Variants in GJA8 observed in about 807,000 individuals in gnomAD.
GJA8 encodes gap junction protein alpha 8, also known as gap junction alpha-8 protein.
In GJA8, 13 loss-of-function variants were observed where a neutral mutation model predicts 15.3. The observed-to-expected ratio is 0.85, with a 90% CI of 0.55 to 1.35. The LOEUF (loss-of-function observed/expected upper bound fraction) is 1.35. Ranked by LOEUF, GJA8 falls within the 40% of genes most tolerant of loss-of-function variation. GJA8 has a pLI of 0.00. For missense variants in GJA8, 607 were observed against 553.3 expected (o/e 1.10, Z -0.97); for synonymous variants, 304 against 238.7 (o/e 1.27, Z -2.52).
At chr1:147,909,844 T>C (rs146002461), downstream of GJA8, among the ~76,000 whole-genome samples, 2 of 152,306 alleles carry the variant, frequency 1.3e-5, no homozygotes, top group East Asian at 3.9e-4. Context: ...CTGGTCTTTC[T>C]GATTTTTCAA....
chr1:147,909,961 G>A (rs587714053), downstream of GJA8, among the ~76,000 whole-genome samples: 1 of 152,256 alleles, frequency 6.6e-6, no homozygotes, highest in East Asian at 1.9e-4. Flanking sequence ...CCAAGCTCAA[G>A]TGATCCTCTC....
Position 147,908,001 on chromosome 1 carries a change from G to A in GJA8, c.46G>A (p.Glu16Lys). 1 of 1,613,830 alleles carries A rather than the reference G, an allele frequency of 6.2e-7. No homozygotes were observed. The highest frequency in any genetic ancestry group is 8.5e-7 in the Non-Finnish European group (1 of 1,179,734). The change falls in exon 2 of 2, where the codon GAG becomes AAG. Residue 16 changes from glutamate to lysine, a missense_variant. Transcript: ENST00000369235. ...FLGNILEEVN[E>K]HSTVIGRVWL... ...GGGGAACATCTTGGAGGAGGTGAAT[G>A]AGCACTCCACCGTCATCGGCAGAGT... is the stretch of plus-strand genomic sequence containing the variant.
At chr1:147,913,416 C>CA (rs1416124261), downstream of GJA8, among the ~76,000 whole-genome samples, 6 of 151,566 alleles carry the variant, frequency 4.0e-5, no homozygotes, top group Non-Finnish European at 7.4e-5. Flanking sequence ...AATTATGGTA[C>CA]AAAAAAAAGA....
chr1:147,908,957 G>C lies in GJA8; in HGVS notation c.1002G>C (p.Glu334Asp). The C allele has an allele frequency of 6.2e-7, 1 of 1,604,772 alleles. No homozygotes were observed. Among genetic ancestry groups the C allele is most frequent in the South Asian group, 1.1e-5 (1 of 90,216 alleles). ...TGGGGGCACAAGAAGTGGAGGGCGA[G>C]GGGCCGCCTGCAGAGGAGGGAGCCG... The part of the protein sequence containing the change: ...AQVGAQEVEG[E>D]GPPAEEGAEP... The change falls in exon 2 of 2, where the codon GAG becomes GAC. Residue 334 changes from glutamate to aspartate, a missense_variant. By Grantham distance (45) the Glu-to-Asp change is conservative (BLOSUM62 2). Transcript: ENST00000369235.
Position 147,908,155 on chromosome 1 carries a change from A to G in GJA8, c.200A>G (p.Asp67Gly), listed in dbSNP as rs2149015482. The part of the protein sequence containing the change: ...QQPGCENVCY[D>G]EAFPISHIRL... Reference sequence around the variant, plus strand: ...CCTGGCTGCGAGAACGTCTGCTACGACGAGGCCTTTCCCATCTCCCACATT... The same window carrying G: ...CCTGGCTGCGAGAACGTCTGCTACGGCGAGGCCTTTCCCATCTCCCACATT... Residue 67 changes from aspartate (D) to glycine (G), a missense_variant, in exon 2 of 2, where the codon GAC becomes GGC. Physicochemically the swap from Asp to Gly is moderately conservative, Grantham distance 94. Coordinates refer to ENST00000369235, the MANE Select transcript of GJA8 (RefSeq NM_005267.5). 6.2e-7 allele frequency: 1 copy of G among 1,614,204 alleles called. No homozygotes were observed. The highest frequency in any genetic ancestry group is 8.5e-7 in the Non-Finnish European group (1 of 1,180,034).
chr1:147,907,680 A>G (rs2149015095), intron 1 of GJA8, among the ~76,000 whole-genome samples: 1 of 152,316 alleles, frequency 6.6e-6, no homozygotes, highest in Non-Finnish European at 1.5e-5. Flanking sequence ...TGATGCTTTC[A>G]GACCATTTGT....
Position 147,909,003 on chromosome 1 carries a change from AAGG to A in GJA8, c.1053_1055del (p.Glu352del). 6.3e-7 allele frequency: 1 copy of A among 1,594,628 alleles called. No individual in the cohort carries two copies. Among genetic ancestry groups the A allele is most frequent in the South Asian group, 1.1e-5 (1 of 88,956 alleles). ...AGCCGAACCCGAGGTGGGAGAGAAG[AAGG>A]AGGAAGCAGAGAGGCTGACCACGGA... On this transcript the variant is annotated inframe_deletion, in exon 2 of 2. Transcript: ENST00000369235.
chr1:147,912,812 C>T (rs797043781), downstream of GJA8, among the ~76,000 whole-genome samples: 6 of 150,148 alleles, frequency 4.0e-5, no homozygotes, highest in African/African-American at 1.5e-4. Flanking sequence ...ATATCTGTGA[C>T]CAAGAATAGA....
At chr1:147,913,591 C>T (rs1347321271), downstream of GJA8, among the ~76,000 whole-genome samples, 2 of 152,156 alleles carry the variant, frequency 1.3e-5, no homozygotes, top group African/African-American at 2.4e-5. Flanking sequence ...CTCTTCAGTC[C>T]AGGCCATGTG....
rs782554866 is a variant in GJA8, at chr1:147,908,479, T to C, written c.524T>C (p.Phe175Ser). ...FIVGHYFLYGFRILPLYRCSR... is the reference protein window; with the variant it reads ...FIVGHYFLYGSRILPLYRCSR... The stretch of plus-strand genomic sequence containing the variant: ...GTGGGCCACTACTTCCTGTACGGGT[T>C]CCGGATCCTGCCTCTGTACCGCTGC... Residue 175 changes from phenylalanine to serine, a missense_variant, in exon 2 of 2, where the codon TTC becomes TCC. Physicochemically the swap from Phe to Ser is radical, Grantham distance 155. Coordinates refer to ENST00000369235, the MANE Select transcript of GJA8 (RefSeq NM_005267.5). 2.5e-6 allele frequency: 4 copies of C among 1,614,198 alleles called. No homozygotes were observed. The highest frequency in any genetic ancestry group is 2.5e-6 in the Non-Finnish European group (3 of 1,180,034).
At position 147,908,005 on chromosome 1, in the gene GJA8, A is replaced by G. The variant is rs1553242515; in HGVS notation, c.50A>G (p.His17Arg). Residue 17 changes from histidine (H) to arginine (R), a missense_variant, in exon 2 of 2, where the codon CAC (histidine) becomes CGC (arginine). By Grantham distance (29) the His-to-Arg change is conservative. Coordinates refer to ENST00000369235, the MANE Select transcript of GJA8 (RefSeq NM_005267.5). The stretch of plus-strand genomic sequence containing the variant: ...AACATCTTGGAGGAGGTGAATGAGC[A>G]CTCCACCGTCATCGGCAGAGTCTGG... ...LGNILEEVNE[H>R]STVIGRVWLT... is the part of the protein sequence containing the mutation. 2.5e-6 allele frequency: 4 copies of G among 1,613,878 alleles called. No homozygotes were observed. Among genetic ancestry groups the G allele is most frequent in the South Asian group, 2.2e-5 (2 of 91,080 alleles).
In GJA8 at chr1:147,908,138, C is replaced by T. The variant is rs782213276; in HGVS notation, c.183C>T (p.Cys61=). 42 of 1,614,096 alleles carry T rather than the reference C, an allele frequency of 2.6e-5. No individual in the cohort carries two copies. Among genetic ancestry groups the T allele is most frequent in the Non-Finnish European group, 3.4e-5 (40 of 1,180,030 alleles). ...DFVCNTQQPG[C]ENVCYDEAFP... is the part of the protein sequence containing the mutation. ...TGTGCAACACCCAGCAGCCTGGCTG[C>T]GAGAACGTCTGCTACGACGAGGCCT... The change falls in exon 2 of 2, where the codon TGC becomes TGT. Residue 61 remains cysteine, a synonymous_variant. Transcript: ENST00000369235.
Position 147,907,869 on chromosome 1 carries a change from G to A in GJA8, c.-11-76G>A, listed in dbSNP as rs908811102. The A allele has an allele frequency of 1.8e-5, 18 of 1,022,814 alleles. No individual in the cohort carries two copies. In the East Asian group the frequency reaches 3.3e-4, roughly 19 times the overall value. 63.4% of individuals were successfully genotyped at this position (1,022,814 alleles called of 1,614,324 possible). On this transcript the variant is annotated intron_variant, in intron 1 of 1. Transcript: ENST00000369235. ...GCAACTTGGAAAGGAGAGGTACCCCGCGTTAGCAAAAACAGATATTGACTC... is the reference window on the plus strand; with the variant it reads ...GCAACTTGGAAAGGAGAGGTACCCCACGTTAGCAAAAACAGATATTGACTC...
At chr1:147,906,223 C>G (rs927798754) in intron 1 of GJA8, among the ~76,000 whole-genome samples, 3 of 152,388 alleles carry the variant, frequency 2.0e-5, no homozygotes, top group Non-Finnish European at 2.9e-5. Context: ...GCAAGATCCT[C>G]TAACATGGGC....
At chr1:147,904,314 A>G (rs1651711506) in intron 1 of GJA8, among the ~76,000 whole-genome samples, 1 of 151,950 alleles carries the variant, frequency 6.6e-6, no homozygotes, top group Non-Finnish European at 1.5e-5. Context: ...TGTTATTATT[A>G]TACTAGTCTG....
rs1483268829 is a variant in GJA8, at chr1:147,908,933, G to A, written c.978G>A (p.Val326=). 3 of 1,610,452 alleles carry A rather than the reference G, an allele frequency of 1.9e-6. No individual in the cohort carries two copies. Among genetic ancestry groups the A allele is most frequent in the South Asian group, 1.1e-5 (1 of 90,874 alleles). The part of the protein sequence containing the change: ...YQETLPSYAQ[V]GAQEVEGEGP... ...AGACACTGCCTTCCTACGCTCAGGT[G>A]GGGGCACAAGAAGTGGAGGGCGAGG... Residue 326 remains valine (V), a synonymous_variant, in exon 2 of 2, where the codon GTG becomes GTA. Coordinates refer to ENST00000369235, the MANE Select transcript of GJA8 (RefSeq NM_005267.5).
chr1:147,907,675 C>G (rs587659719), intron 1 of GJA8, among the ~76,000 whole-genome samples: 1 of 152,230 alleles, frequency 6.6e-6, no homozygotes, highest in South Asian at 2.1e-4. Flanking sequence ...CTCATTGATG[C>G]TTTCAGACCA....
rs782566293 is a variant in GJA8, at chr1:147,909,131, A to C, written c.1176A>C (p.Ser392=). Reference sequence around the variant, plus strand: ...AAGAGCCGCAGTCGGAGAAGGTGTCAAAGCAAGGGCTGCCAGCTGAGAAGA... The same window carrying C: ...AAGAGCCGCAGTCGGAGAAGGTGTCCAAGCAAGGGCTGCCAGCTGAGAAGA... ...EKEEPQSEKV[S]KQGLPAEKTP... The change falls in exon 2 of 2, where the codon TCA becomes TCC. Residue 392 remains serine (S), a synonymous_variant. Transcript: ENST00000369235. 1 of 1,614,100 alleles carries C rather than the reference A, an allele frequency of 6.2e-7. No homozygotes were observed. The highest frequency in any genetic ancestry group is 1.1e-5 in the South Asian group (1 of 91,078).
At chr1:147,910,857 C>A (rs1337388364), downstream of GJA8, among the ~76,000 whole-genome samples, 1 of 152,150 alleles carries the variant, frequency 6.6e-6, no homozygotes, top group Non-Finnish European at 1.5e-5. Flanking sequence ...CAAGCTTCAT[C>A]CCTGGAAAGG....
Sources: allele counts gnomAD v4.1 joint callset (sites outside exome capture counted in the v4.1 genomes callset), GRCh38; gene constraint gnomAD v4.1.1; transcripts MANE v1.5; gene names NCBI Gene and HGNC (gene_info 2026-07-23, HGNC 2026-07-21).